Variants in USP10 observed in about 807,000 individuals in gnomAD.
USP10 encodes the protein ubiquitin carboxyl-terminal hydrolase 10.
In USP10, 22 loss-of-function variants were observed where a neutral mutation model predicts 84.5. That is an observed-to-expected ratio of 0.26 (90% CI 0.19 to 0.37). The LOEUF (loss-of-function observed/expected upper bound fraction) is 0.37. Ranked by LOEUF, USP10 falls within the 10% of genes least tolerant of loss-of-function variation. The pLI is 1.00. For missense variants in USP10, 1,019 were observed against 998.9 expected (o/e 1.02, Z -0.27); for synonymous variants, 454 against 387.6 (o/e 1.17, Z -2.01).
At chr16:84,700,520 G>T (rs1336837947) in intron 1 of USP10, among the ~76,000 whole-genome samples, 2 of 152,108 alleles carry the variant, frequency 1.3e-5, no homozygotes, top group African/African-American at 2.4e-5. Context: ...AGCAGCTCAG[G>T]TTGCTGCCTC....
intron 2 of USP10, among the ~76,000 whole-genome samples, chr16:84,739,935 C>T (rs1338258558): frequency 6.6e-6 from 1 of 152,194 alleles, no homozygotes; most frequent in East Asian, 1.9e-4. Flanking sequence ...GAGTCATCTT[C>T]GCTAGTGCAC....
At chr16:84,748,912 C>A (rs1218009746) in intron 4 of USP10, among the ~76,000 whole-genome samples, 1 of 152,144 alleles carries the variant, frequency 6.6e-6, no homozygotes, top group Non-Finnish European at 1.5e-5. Flanking sequence ...TATTGTAAAC[C>A]CCTACCAAAC....
chr16:84,735,228 TGTGTGTGTG>T (rs1422892697), intron 2 of USP10, among the ~76,000 whole-genome samples: 54 of 149,086 alleles, frequency 3.6e-4, no homozygotes, highest in African/African-American at 1.2e-3. Flanking sequence ...TGTGTGTGTG[TGTGTGTGTG>T]GTGTGTGTGT....
chr16:84,748,102 C>T (rs1447446794), intron 4 of USP10, among the ~76,000 whole-genome samples: 7 of 129,318 alleles, frequency 5.4e-5, no homozygotes, highest in African/African-American at 2.0e-4. Context: ...TGCAGTGAGC[C>T]GAGATGGCGC....
intron 11 of USP10, among the ~76,000 whole-genome samples, chr16:84,772,138 A>T (rs146262108): frequency 3.9e-4 from 60 of 151,900 alleles, no homozygotes; most frequent in Middle Eastern, 6.8e-3. Flanking sequence ...TGCAACGTCT[A>T]CCTCCTGGGT....
chr16:84,750,001 G>T (rs1362242366), intron 4 of USP10, among the ~76,000 whole-genome samples: 5 of 152,150 alleles, frequency 3.3e-5, no homozygotes, highest in Non-Finnish European at 5.9e-5. Flanking sequence ...CCCAAGGGAA[G>T]GATGTATCTA....
At chr16:84,730,264 C>A (rs1441620252) in intron 1 of USP10, among the ~76,000 whole-genome samples, 1 of 152,072 alleles carries the variant, frequency 6.6e-6, no homozygotes, top group Non-Finnish European at 1.5e-5. Context: ...TATATAGCAA[C>A]ACAGATACTC....
chr16:84,754,128 A>G (rs1912246834), intron 4 of USP10, among the ~76,000 whole-genome samples: 1 of 152,166 alleles, frequency 6.6e-6, no homozygotes, highest in African/African-American at 2.4e-5. Flanking sequence ...GGCACACAGC[A>G]CTAATATCAG....
chr16:84,732,585 T>C (rs1266184919), intron 1 of USP10: 1 of 333,334 alleles, frequency 3.0e-6, no homozygotes, highest in Non-Finnish European at 5.8e-6. Context: ...CAGCCGGGAC[T>C]ACAGGTACAC....
At chr16:84,775,769 A>T (rs897876419) in intron 13 of USP10, among the ~76,000 whole-genome samples, 2 of 152,138 alleles carry the variant, frequency 1.3e-5, no homozygotes, top group African/African-American at 4.8e-5. Flanking sequence ...TCATGGGTGG[A>T]CCTTGAGACC....
intron 1 of USP10, among the ~76,000 whole-genome samples, chr16:84,731,033 G>T (rs1364141924): frequency 7.1e-6 from 1 of 140,426 alleles, no homozygotes; most frequent in African/African-American, 2.7e-5. Context: ...AGGCTGGAGT[G>T]CAGTGGCTCA....
chr16:84,735,030 C>A (rs1909716328), intron 2 of USP10, among the ~76,000 whole-genome samples: 1 of 151,918 alleles, frequency 6.6e-6, no homozygotes, highest in South Asian at 2.1e-4. Context: ...TCTATTTTTT[C>A]TTTTCTTTTC....
chr16:84,708,232 C>G (rs1432545777), intron 1 of USP10, among the ~76,000 whole-genome samples: 1 of 152,048 alleles, frequency 6.6e-6, no homozygotes, highest in Non-Finnish European at 1.5e-5. Context: ...GGTGGATCAC[C>G]TGAGGTCAGG....
intron 3 of USP10, among the ~76,000 whole-genome samples, chr16:84,740,637 C>A (rs1336556304): frequency 6.6e-6 from 1 of 152,232 alleles, no homozygotes; most frequent in Non-Finnish European, 1.5e-5. Flanking sequence ...GTTCTGAGTG[C>A]AACAGGTATG....
intron 2 of USP10, among the ~76,000 whole-genome samples, chr16:84,736,303 A>G (rs1316220816): frequency 1.3e-5 from 2 of 152,316 alleles, no homozygotes; most frequent in South Asian, 4.1e-4. Context: ...TGAAAAACCA[A>G]AATTAAGAAA....
At chr16:84,743,136 A>G (rs1162485759) in intron 3 of USP10, among the ~76,000 whole-genome samples, 2 of 152,234 alleles carry the variant, frequency 1.3e-5, no homozygotes, top group African/African-American at 4.8e-5. Flanking sequence ...TACATATGAT[A>G]ATAAATTCAT....
chr16:84,751,337 T>C (rs1911909314), intron 4 of USP10, among the ~76,000 whole-genome samples: 1 of 152,230 alleles, frequency 6.6e-6, no homozygotes, highest in Admixed American at 6.5e-5. Flanking sequence ...AAAACTGATC[T>C]TTATTTTGGC....
chr16:84,742,662 C>T (rs1171034019), intron 3 of USP10, among the ~76,000 whole-genome samples: 1 of 152,210 alleles, frequency 6.6e-6, no homozygotes, highest in Non-Finnish European at 1.5e-5. Context: ...GGCCGTCCTG[C>T]ACTTCGTCTG....
intron 3 of USP10, among the ~76,000 whole-genome samples, chr16:84,743,432 G>A (rs1567620848): frequency 6.6e-6 from 1 of 152,210 alleles, no homozygotes; most frequent in South Asian, 2.1e-4. Flanking sequence ...CCCTCTCAGC[G>A]TCTGTATTTT....
Sources: allele counts gnomAD v4.1 joint callset (sites outside exome capture counted in the v4.1 genomes callset), GRCh38; gene constraint gnomAD v4.1.1; transcripts MANE v1.5; gene names NCBI Gene and HGNC (gene_info 2026-07-23, HGNC 2026-07-21).